The following CNTRL variants were observed in gnomAD, a reference collection of about 807,000 sequenced individuals.
CNTRL encodes the protein 110 kDa centrosomal protein.
A neutral mutation model predicts 303.7 loss-of-function variants in CNTRL; 233 were observed. The observed-to-expected ratio is 0.77, with a 90% CI of 0.69 to 0.86. The LOEUF is 0.86. CNTRL is among the 40% of genes least tolerant of loss of function. The pLI, the probability that CNTRL is intolerant of heterozygous loss-of-function variation, is 0.00. For synonymous variants in CNTRL, 900 were observed against 922.2 expected, an observed-to-expected ratio of 0.98 and a Z score of 0.44; for missense variants, 2,524 against 2,650.6, an observed-to-expected ratio of 0.95 and a Z score of 1.05.
At chr9:121,136,092 A>C (rs2051176492) in intron 15 of CNTRL, 110 bp downstream of exon 15, 10 of 998,210 alleles carry the variant, frequency 1.0e-5, no homozygotes, top group Middle Eastern at 2.2e-4. Flanking sequence ...CATACAATAT[A>C]TATGGAGTGA....
At chr9:121,124,802 C>T (rs143108555) in intron 13 of CNTRL, among the ~76,000 whole-genome samples, 1 of 149,376 alleles carries the variant, frequency 6.7e-6, no homozygotes, top group Non-Finnish European at 1.5e-5. Flanking sequence ...ATTAGCCAGG[C>T]GTAGTGGTAT....
At position 121,142,219 on chromosome 9, in the gene CNTRL, T is replaced by C. The variant is rs2051556495; in HGVS notation, c.2820T>C (p.Ala940=). The change falls in exon 19 of 44, where the codon GCT becomes GCC. Residue 940 remains alanine, a synonymous_variant. Coordinates refer to ENST00000373855, the MANE Select transcript of CNTRL (RefSeq NM_007018.6). The part of the protein sequence containing the change: ...QGLTDLQLQE[A]DEEKERILAQ... The stretch of plus-strand genomic sequence containing the variant: ...TTACAGATCTCCAACTTCAGGAAGC[T>C]GATGAAGAGAAGGAGAGAATTCTGG... The C allele has an allele frequency of 2.5e-6, 4 of 1,611,650 alleles. No individual in the cohort carries two copies. The highest frequency in any genetic ancestry group is 1.7e-4 in the Middle Eastern group (1 of 6,038).
At chr9:121,143,672 A>G (rs1337492013) in intron 19 of CNTRL, among the ~76,000 whole-genome samples, 2 of 152,360 alleles carry the variant, frequency 1.3e-5, no homozygotes, top group East Asian at 1.9e-4. Flanking sequence ...TGTTTTTCCA[A>G]TGAATGGATG....
rs540194796 is a variant in CNTRL at position 121,158,964 on chromosome 9, A to G, written c.4874A>G (p.Gln1625Arg). 5.0e-6 allele frequency: 8 copies of G among 1,614,222 alleles called. No homozygotes were observed. Among genetic ancestry groups the G allele is most frequent in the East Asian group, 2.2e-5 (1 of 44,888 alleles). ...ATGGTCCAGGCAAAAGCTGACCTCC[A>G]GGAAGCTCTGAGACTGGGAGAGACT... ...GSMVQAKADL[Q>R]EALRLGETEV... The change falls in exon 31 of 44, where the codon CAG becomes CGG. Residue 1625 changes from glutamine to arginine, a missense_variant. Transcript: ENST00000373855.
At chr9:121,152,345 A>G in intron 25 of CNTRL, 140 bp from the exon 26 acceptor site, 1 of 649,040 alleles carries the variant, frequency 1.5e-6, no homozygotes, top group Non-Finnish European at 2.7e-6. Flanking sequence ...TTAACTTTTT[A>G]TACCAAAGTC....
chr9:121,097,370 A>G (rs1463818050), intron 6 of CNTRL, among the ~76,000 whole-genome samples: 1 of 152,160 alleles, frequency 6.6e-6, no homozygotes, highest in Admixed American at 6.6e-5. Context: ...TTTGGGGAAA[A>G]CAATCCCTAT....
chr9:121,102,552 A>G (rs1179288567), intron 7 of CNTRL, among the ~76,000 whole-genome samples: 2 of 152,222 alleles, frequency 1.3e-5, no homozygotes, highest in Non-Finnish European at 2.9e-5. Flanking sequence ...GGCCAGGGCA[A>G]TCAGGCAGGA....
intron 7 of CNTRL, among the ~76,000 whole-genome samples, chr9:121,102,617 T>C (rs1414907148): frequency 6.6e-6 from 1 of 152,230 alleles, no homozygotes; most frequent in African/African-American, 2.4e-5. Context: ...TGTCCCTGTT[T>C]GCAGATGACG....
chr9:121,161,350 A>G (rs927361102), intron 32 of CNTRL: 12 of 404,358 alleles, frequency 3.0e-5, no homozygotes, highest in African/African-American at 2.1e-4. Context: ...CTGTATTTCA[A>G]AGGCCAAAAA....
chr9:121,078,294 G>C lies in CNTRL; in HGVS notation c.-204-2012G>C, dbSNP rs147237870. On this transcript the variant is annotated intron_variant, in intron 1 of 43. Coordinates refer to ENST00000373855, the MANE Select transcript of CNTRL (RefSeq NM_007018.6). ...GTGGTGCTGTGCACCTGTAATCCCAGTTACTCAGTAGGTTGGGGCGGGACA... is the reference window on the plus strand; with the variant it reads ...GTGGTGCTGTGCACCTGTAATCCCACTTACTCAGTAGGTTGGGGCGGGACA... Among the ~76,000 whole-genome samples, 121 of 152,240 alleles carry C rather than the reference G, an allele frequency of 7.9e-4. No homozygotes were observed. The Middle Eastern group carries it at 0.014, about 17-fold the overall frequency.
chr9:121,131,326 G>A (rs2050843047), intron 14 of CNTRL, among the ~76,000 whole-genome samples: 1 of 152,186 alleles, frequency 6.6e-6, no homozygotes, highest in Admixed American at 6.5e-5. Context: ...TGTATTGGGT[G>A]CATATATGTT....
intron 14 of CNTRL, among the ~76,000 whole-genome samples, chr9:121,130,295 C>A (rs1025438667): frequency 6.6e-6 from 1 of 152,120 alleles, no homozygotes; most frequent in African/African-American, 2.4e-5. Context: ...TTAATTATTG[C>A]CTCAATTTCA....
chr9:121,106,391 A>G (rs2049475509), intron 7 of CNTRL, among the ~76,000 whole-genome samples: 1 of 151,944 alleles, frequency 6.6e-6, no homozygotes, highest in Non-Finnish European at 1.5e-5. Context: ...ACATGGCTCA[A>G]TTCTTTTGGT....
In CNTRL at chr9:121,150,212, A is replaced by T. The variant is rs756796596; in HGVS notation, c.3692A>T (p.Asp1231Val). The part of the protein sequence containing the change: ...GGDSQEESEL[D>V]DQEEPPFVPP... Reference sequence around the variant, plus strand: ...GATAGTCAGGAAGAGAGTGAGCTGGATGACCAAGAAGAACCCCCATTTGTG... The same window carrying T: ...GATAGTCAGGAAGAGAGTGAGCTGGTTGACCAAGAAGAACCCCCATTTGTG... Residue 1231 changes from aspartate to valine, a missense_variant, in exon 25 of 44, where the codon GAT becomes GTT. Transcript: ENST00000373855. The T allele has an allele frequency of 6.2e-7, 1 of 1,613,754 alleles. No homozygotes were observed. The highest frequency in any genetic ancestry group is 1.7e-5 in the Admixed American group (1 of 59,972).
intron 27 of CNTRL, among the ~76,000 whole-genome samples, chr9:121,156,387 G>A (rs752563313): frequency 1.3e-5 from 2 of 152,114 alleles, no homozygotes; most frequent in Non-Finnish European, 2.9e-5. Context: ...GAGTGTGCCA[G>A]ACATGTTAAA....
At chr9:121,113,915 A>G (rs1027480963) in intron 10 of CNTRL, among the ~76,000 whole-genome samples, 191 bp downstream of exon 10, 2 of 152,170 alleles carry the variant, frequency 1.3e-5, no homozygotes, top group African/African-American at 4.8e-5. Flanking sequence ...TGTTATGGTT[A>G]AGAATGGAGT....
chr9:121,158,191 G>A, intron 30 of CNTRL, 82 bp downstream of exon 30: 1 of 1,483,594 alleles, frequency 6.7e-7, no homozygotes, highest in Non-Finnish European at 9.1e-7. Flanking sequence ...TTGTAGAAAA[G>A]AATAAATGCG....
intron 25 of CNTRL, 160 bp downstream of exon 25, chr9:121,150,643 T>G (rs910387747): frequency 4.3e-6 from 3 of 698,552 alleles, no homozygotes; most frequent in Non-Finnish European, 7.0e-6. Flanking sequence ...TTATTAAAAT[T>G]CTCTTATAAA....
In CNTRL at chr9:121,165,026, A is replaced by C. The variant is rs990903471; in HGVS notation, c.5507A>C (p.Gln1836Pro). 6.2e-7 allele frequency: 1 copy of C among 1,611,172 alleles called. No homozygotes were observed. The highest frequency in any genetic ancestry group is 2.2e-5 in the East Asian group (1 of 44,624). The change falls in exon 35 of 44, where the codon CAG becomes CCG. Residue 1836 changes from glutamine (Q) to proline (P), a missense_variant. Coordinates refer to ENST00000373855, the MANE Select transcript of CNTRL (RefSeq NM_007018.6). ...KLELNVRKLQ[Q>P]ELDQLNRDKL... ...GAATTGAATGTCAGAAAACTGCAGC[A>C]GGAACTAGACCAACTAAACAGAGAC... is the stretch of plus-strand genomic sequence containing the variant.
Sources: allele counts gnomAD v4.1 joint callset (sites outside exome capture counted in the v4.1 genomes callset), GRCh38; gene constraint gnomAD v4.1.1; transcripts MANE v1.5; gene names NCBI Gene and HGNC (gene_info 2026-07-23, HGNC 2026-07-21).